FBXW10B: variants seen among roughly 807,000 people sequenced by gnomAD.
FBXW10B encodes F-box and WD repeat domain containing 10B, also known as F-box and WD repeat domain containing protein 10B.
chr17:15,595,421 T>C, the FBXW10B span, among the ~76,000 whole-genome samples: 1 of 152,076 alleles, frequency 6.6e-6, no homozygotes, highest in African/African-American at 2.4e-5. Flanking sequence ...TAGAGCTCTC[T>C]CTCGGGTTAA....
the FBXW10B span, chr17:15,596,499 C>T: frequency 1.3e-6 from 2 of 1,563,960 alleles, no homozygotes; most frequent in Non-Finnish European, 1.7e-6. Flanking sequence ...CCAAGGTAGC[C>T]CACTGCCCAC....
the FBXW10B span, among the ~76,000 whole-genome samples, chr17:15,609,852 CTTTTTTTTTTT>C: frequency 2.9e-5 from 3 of 103,192 alleles, no homozygotes; most frequent in South Asian, 6.9e-4. Flanking sequence ...TTCTTTCTTT[CTTTTTTTTTTT>C]TTTTTTTTTT....
chr17:15,612,628 T>C, the FBXW10B span: 1 of 1,601,756 alleles, frequency 6.2e-7, no homozygotes, highest in Non-Finnish European at 8.5e-7. Flanking sequence ...GGGCTGAGTC[T>C]GGACCTCAGC....
the FBXW10B span, among the ~76,000 whole-genome samples, chr17:15,618,551 T>G: frequency 7.6e-6 from 1 of 131,540 alleles, no homozygotes. Flanking sequence ...CATGGTAGAG[T>G]GAATGAAAAA....
At chr17:15,566,933 T>C in the FBXW10B span, among the ~76,000 whole-genome samples, 1 of 151,914 alleles carries the variant, frequency 6.6e-6, no homozygotes, top group Non-Finnish European at 1.5e-5. Context: ...TGTGCATATT[T>C]TGAATGCAAC....
chr17:15,576,720 G>A, the FBXW10B span, among the ~76,000 whole-genome samples: 1 of 151,592 alleles, frequency 6.6e-6, no homozygotes, highest in African/African-American at 2.4e-5. Flanking sequence ...TTTAGGTGTG[G>A]GCTGTAAGCA....
the FBXW10B span, chr17:15,607,527 A>G: frequency 1.3e-5 from 20 of 1,567,114 alleles, 2 homozygotes; most frequent in South Asian, 2.2e-4. Flanking sequence ...GTCAGTGTGG[A>G]TAACTCAAGC....
chr17:15,612,749 G>A, the FBXW10B span: 38 of 1,613,612 alleles, frequency 2.4e-5, no homozygotes, highest in Middle Eastern at 3.3e-4. Context: ...TGCTCTTCCC[G>A]TCATCTACCA....
chr17:15,618,104 CG>C, the FBXW10B span, among the ~76,000 whole-genome samples: 5 of 152,054 alleles, frequency 3.3e-5, no homozygotes, highest in South Asian at 1.0e-3. Flanking sequence ...CCGAGGCAGG[CG>C]GATCACGAGG....
At chr17:15,616,832 A>AG in the FBXW10B span, among the ~76,000 whole-genome samples, 5 of 138,988 alleles carry the variant, frequency 3.6e-5, no homozygotes, top group Non-Finnish European at 6.0e-5. Context: ...AAAAAAAAAA[A>AG]AAGAAGAAGG....
chr17:15,591,093 C>T, the FBXW10B span, among the ~76,000 whole-genome samples: 1 of 135,960 alleles, frequency 7.4e-6, no homozygotes, highest in African/African-American at 3.4e-5. Flanking sequence ...TTGCTGAGGG[C>T]TAGAGGCCCT....
chr17:15,615,867 G>A, the FBXW10B span: 1 of 1,610,410 alleles, frequency 6.2e-7, no homozygotes, highest in South Asian at 1.1e-5. Flanking sequence ...TGAGGAAAAT[G>A]AGGTGGAGAG....
the FBXW10B span, chr17:15,598,677 T>A: frequency 6.2e-7 from 1 of 1,604,682 alleles, no homozygotes; most frequent in Non-Finnish European, 8.5e-7. Flanking sequence ...GCCAAAAGAA[T>A]GTGAGAGTTC....
the FBXW10B span, chr17:15,589,088 A>G: frequency 6.5e-7 from 1 of 1,543,854 alleles, no homozygotes. Context: ...GATGCTGGTA[A>G]GTGTCCTGCG....
the FBXW10B span, chr17:15,619,135 C>T: frequency 1.7e-5 from 27 of 1,613,972 alleles, no homozygotes; most frequent in South Asian, 2.2e-5. Flanking sequence ...GGGTGCTGTT[C>T]GCAAACCAAT....
At chr17:15,596,280 A>T in the FBXW10B span, among the ~76,000 whole-genome samples, 3 of 152,138 alleles carry the variant, frequency 2.0e-5, no homozygotes, top group African/African-American at 7.2e-5. Context: ...GTCAGAATGC[A>T]GCCTTCCTCT....
the FBXW10B span, among the ~76,000 whole-genome samples, chr17:15,578,080 T>C: frequency 6.6e-6 from 1 of 151,346 alleles, no homozygotes; most frequent in South Asian, 2.1e-4. Context: ...GAGAGAAGTG[T>C]TTCAGGGGGC....
the FBXW10B span, among the ~76,000 whole-genome samples, chr17:15,612,237 G>A: frequency 6.6e-6 from 1 of 152,188 alleles, no homozygotes; most frequent in Non-Finnish European, 1.5e-5. Context: ...GCTGGGCGCG[G>A]TGGCTCACGC....
the FBXW10B span, chr17:15,571,537 G>A: frequency 6.6e-6 from 1 of 152,186 alleles, no homozygotes; most frequent in Admixed American, 6.5e-5. Context: ...GCTGACAAGG[G>A]TGTAGAATAC....
Sources: gnomAD v4.1 joint callset for allele counts (sites outside exome capture counted in the v4.1 genomes callset) on GRCh38, gnomAD v4.1.1 for gene constraint, MANE v1.5 for transcripts, NCBI Gene and HGNC (gene_info 2026-07-23, HGNC 2026-07-21) for gene names.